IMPG2: variants seen among roughly 807,000 people sequenced by gnomAD.
The protein encoded by IMPG2 is IPM 200.
IMPG2 carries 91 observed loss-of-function variants against 129.2 expected under a neutral mutation model. The observed-to-expected ratio is 0.70, with a 90% CI of 0.59 to 0.84. The LOEUF (loss-of-function observed/expected upper bound fraction) is 0.84, where lower values mean the gene tolerates loss of function less well. Among genes scored for constraint, IMPG2 ranks in the 40% least tolerant of loss-of-function variants. The probability of loss-of-function intolerance (pLI) is 0.00; values close to 1 mark genes in which losing one functional copy is unlikely to be tolerated. For missense variants in IMPG2, 1,430 were observed against 1,461.7 expected, an observed-to-expected ratio of 0.98 and a Z score of 0.35; for synonymous variants, 510 against 517.7, an observed-to-expected ratio of 0.99 and a Z score of 0.20.
chr3:101,255,164 A>G (rs1252815247), intron 10 of IMPG2, among the ~76,000 whole-genome samples: 1 of 152,108 alleles, frequency 6.6e-6, no homozygotes, highest in Non-Finnish European at 1.5e-5. Context: ...GGACTAATAC[A>G]AGGAGGATCA....
intron 12 of IMPG2, 87 bp from the exon 13 acceptor site, chr3:101,244,874 T>C (rs1344233189): frequency 6.9e-6 from 8 of 1,161,882 alleles, no homozygotes; most frequent in Non-Finnish European, 1.0e-5. Flanking sequence ...GCCTGTTTTT[T>C]CCCTGTGAAG....
intron 2 of IMPG2, among the ~76,000 whole-genome samples, chr3:101,307,648 C>T (rs995646474): frequency 2.0e-5 from 3 of 152,174 alleles, no homozygotes; most frequent in Non-Finnish European, 4.4e-5. Context: ...CCCACAGGGT[C>T]CTGCCTCCAA....
At chr3:101,249,837 C>T (rs1443610745) in intron 11 of IMPG2, among the ~76,000 whole-genome samples, 1 of 151,482 alleles carries the variant, frequency 6.6e-6, no homozygotes, top group African/African-American at 2.4e-5. Context: ...TGACTTCTCG[C>T]ACTTTTCTAG....
rs1706519362 is a variant in IMPG2, at chr3:101,249,332, A to G, written c.1240-3227T>C. Among the ~76,000 whole-genome samples, 4 of 152,166 alleles carry G rather than the reference A, an allele frequency of 2.6e-5. No individual in the cohort carries two copies. The South Asian group carries it at 6.2e-4, about 24-fold the overall frequency. ...AATACAGTGCATTTAAAAATCCATTAAAGTTTAAGTCATTTCTGTCAAAAA... is the reference window on the plus strand; with the variant it reads ...AATACAGTGCATTTAAAAATCCATTGAAGTTTAAGTCATTTCTGTCAAAAA... On this transcript the variant is annotated intron_variant, in intron 11 of 18. Coordinates refer to ENST00000193391, the MANE Select transcript of IMPG2 (RefSeq NM_016247.4).
At position 101,241,765 on chromosome 3, in the gene IMPG2, C is replaced by T. The variant is rs534928899; in HGVS notation, c.3022+923G>A. ...TTCTCTGGCCAGGTGCGGTGGCTCA[C>T]ACCTGTAATCCCAGCACTTTGGGAG... On this transcript the variant is annotated intron_variant, in intron 14 of 18. Transcript: ENST00000193391. Among the ~76,000 whole-genome samples the T allele has an allele frequency of 9.7e-4, 147 of 152,200 alleles. 1 individual carries two copies. The highest frequency in any genetic ancestry group is 3.5e-3 in the South Asian group (17 of 4,822).
chr3:101,229,271 C>A, intron 17 of IMPG2, 109 bp downstream of exon 17: 2 of 921,198 alleles, frequency 2.2e-6, no homozygotes, highest in Non-Finnish European at 1.8e-6. Context: ...TCTTAAAGTC[C>A]ATGTGCATGC....
At chr3:101,271,532 T>C (rs1272239442) in intron 7 of IMPG2, among the ~76,000 whole-genome samples, 1 of 152,216 alleles carries the variant, frequency 6.6e-6, no homozygotes, top group Non-Finnish European at 1.5e-5. Flanking sequence ...ATATTATTCC[T>C]GTTTTATGGA....
In IMPG2 at chr3:101,245,760, C is replaced by T. The variant is rs374563332; in HGVS notation, c.1543+42G>A. ...TTCCTCTCTTTAAAACCCCTGTCAT[C>T]GGATACAATAAGAAGTACGAAAAGC... On this transcript the variant is annotated intron_variant, in intron 12 of 18. Coordinates refer to ENST00000193391, the MANE Select transcript of IMPG2 (RefSeq NM_016247.4). The T allele has an allele frequency of 2.1e-5, 33 of 1,559,842 alleles. 1 individual carries two copies. Among genetic ancestry groups the T allele is most frequent in the Non-Finnish European group, 2.7e-5 (30 of 1,131,310 alleles).
intron 8 of IMPG2, 91 bp downstream of exon 8, chr3:101,269,424 T>C: frequency 1.3e-6 from 1 of 779,064 alleles, no homozygotes; most frequent in Non-Finnish European, 2.3e-6. Flanking sequence ...AAACCATTTA[T>C]TGTTAGAATA....
chr3:101,228,819 C>T lies in IMPG2; in HGVS notation c.3691G>A (p.Ala1231Thr). The stretch of plus-strand genomic sequence containing the variant: ...TACACTTGTTGCTCTCTCACAAAAG[C>T]TGCAAACTCAGGATCATTGGCATAC... ...ELYANDPEFA[A>T]FVREQQVEEV The change falls in exon 18 of 19, where the codon GCT becomes ACT. Residue 1231 changes from alanine (A) to threonine (T), a missense_variant. Transcript: ENST00000193391. 1 of 1,613,970 alleles carries T rather than the reference C, an allele frequency of 6.2e-7. No homozygotes were observed. Among genetic ancestry groups the T allele is most frequent in the Non-Finnish European group, 8.5e-7 (1 of 1,179,914 alleles).
At chr3:101,283,451 T>C (rs1576762842) in intron 4 of IMPG2, among the ~76,000 whole-genome samples, 1 of 152,208 alleles carries the variant, frequency 6.6e-6, no homozygotes, top group Non-Finnish European at 1.5e-5. Flanking sequence ...GGAAATAATA[T>C]ATCATGTTAT....
chr3:101,242,652 TCTA>T (rs1381198135), intron 14 of IMPG2, 33 bp downstream of exon 14: 1 of 1,430,800 alleles, frequency 7.0e-7, no homozygotes, highest in African/African-American at 1.4e-5. Flanking sequence ...ATCACTGGAT[TCTA>T]CTAAGAAACC....
At chr3:101,296,119 A>G (rs1453605673) in intron 3 of IMPG2, among the ~76,000 whole-genome samples, 1 of 152,224 alleles carries the variant, frequency 6.6e-6, no homozygotes, top group Non-Finnish European at 1.5e-5. Context: ...AGAGTGAAAG[A>G]AGGCATCCTT....
chr3:101,295,695 G>A (rs959035377), intron 3 of IMPG2, among the ~76,000 whole-genome samples: 5 of 152,160 alleles, frequency 3.3e-5, no homozygotes, highest in Non-Finnish European at 7.3e-5. Flanking sequence ...TCATGAGGAT[G>A]GAATGTTTTT....
At chr3:101,316,356 A>G (rs748968037) in intron 2 of IMPG2, among the ~76,000 whole-genome samples, 5 of 152,100 alleles carry the variant, frequency 3.3e-5, no homozygotes, top group African/African-American at 4.8e-5. Flanking sequence ...TGCAAAATAT[A>G]TGTTTGACAA....
At chr3:101,276,384 T>C (rs1576760426) in intron 5 of IMPG2, among the ~76,000 whole-genome samples, 2 of 152,050 alleles carry the variant, frequency 1.3e-5, no homozygotes, top group South Asian at 2.1e-4. Flanking sequence ...GGCTACAGAG[T>C]GTTTGCCTTA....
chr3:101,297,653 T>C (rs1259938011), intron 3 of IMPG2, among the ~76,000 whole-genome samples: 1 of 152,236 alleles, frequency 6.6e-6, no homozygotes, highest in Non-Finnish European at 1.5e-5. Context: ...AATTTCATTA[T>C]TTACCCAGGA....
intron 4 of IMPG2, among the ~76,000 whole-genome samples, chr3:101,287,200 AGCCTTT>A (rs1485140936): frequency 6.6e-6 from 1 of 152,214 alleles, no homozygotes; most frequent in Non-Finnish European, 1.5e-5. Flanking sequence ...ATGGAAACAT[AGCCTTT>A]GCAAAATTTA....
At chr3:101,267,415 T>C (rs909586311) in intron 9 of IMPG2, 96 bp downstream of exon 9, 7 of 1,033,982 alleles carry the variant, frequency 6.8e-6, no homozygotes, top group African/African-American at 1.6e-5. Context: ...GGAAGTGATA[T>C]AATATTTGAG....
Sources: allele counts gnomAD v4.1 joint callset (sites outside exome capture counted in the v4.1 genomes callset), GRCh38; gene constraint gnomAD v4.1.1; transcripts MANE v1.5; gene names NCBI Gene and HGNC (gene_info 2026-07-23, HGNC 2026-07-21).